Variants in NODAL observed in about 807,000 individuals in gnomAD.
NODAL encodes nodal growth differentiation factor, also known as nodal homolog.
A neutral mutation model predicts 34.0 loss-of-function variants in NODAL; 12 were observed. That is an observed-to-expected ratio of 0.35 (90% CI 0.23 to 0.57). The LOEUF (loss-of-function observed/expected upper bound fraction) is 0.57, where lower values mean the gene tolerates loss of function less well. Among genes scored for constraint, NODAL ranks in the 20% least tolerant of loss-of-function variants. The pLI, the probability that NODAL is intolerant of heterozygous loss-of-function variation, is 0.83. For synonymous variants in NODAL, 162 were observed against 186.4 expected (o/e 0.87, Z 1.07); for missense variants, 390 against 444.2 (o/e 0.88, Z 1.10).
intron 1 of NODAL, among the ~76,000 whole-genome samples, chr10:70,436,933 G>A (rs1845364943): frequency 6.6e-6 from 1 of 152,162 alleles, no homozygotes; most frequent in East Asian, 1.9e-4. Flanking sequence ...GATGCTCTAT[G>A]AGACAACAGA....
At chr10:70,437,220 A>G (rs1433375034) in intron 1 of NODAL, among the ~76,000 whole-genome samples, 1 of 152,222 alleles carries the variant, frequency 6.6e-6, no homozygotes. Flanking sequence ...AGGCGGGTGG[A>G]TCACCTGAGG....
At chr10:70,438,730 C>CTG (rs1227875328) in intron 1 of NODAL, among the ~76,000 whole-genome samples, 1 of 152,192 alleles carries the variant, frequency 6.6e-6, no homozygotes, top group Non-Finnish European at 1.5e-5. Flanking sequence ...TGAAAGAAGT[C>CTG]TGTGACCCTT....
chr10:70,445,408 C>T (rs2132223041), upstream of NODAL, among the ~76,000 whole-genome samples: 1 of 152,252 alleles, frequency 6.6e-6, no homozygotes, highest in Non-Finnish European at 1.5e-5. Flanking sequence ...CAGGCGCCCC[C>T]CACCACGCCC....
upstream of NODAL, among the ~76,000 whole-genome samples, chr10:70,444,262 A>G (rs1365210569): frequency 1.3e-5 from 2 of 150,210 alleles, no homozygotes; most frequent in Admixed American, 6.6e-5. Context: ...CCAGACCCAG[A>G]CCTTCAGATT....
upstream of NODAL, among the ~76,000 whole-genome samples, chr10:70,444,465 C>A (rs1369666817): frequency 6.6e-6 from 1 of 152,042 alleles, no homozygotes; most frequent in Non-Finnish European, 1.5e-5. Flanking sequence ...TAATTTCTGC[C>A]TCAGTAGCTG....
At chr10:70,434,654 C>T (rs1400799081) in intron 2 of NODAL, among the ~76,000 whole-genome samples, 1 of 152,204 alleles carries the variant, frequency 6.6e-6, no homozygotes, top group Non-Finnish European at 1.5e-5. Flanking sequence ...TGTGCCACCG[C>T]ACCTGGCTGG....
rs774058854 is a variant in NODAL, at chr10:70,435,361, G to A, written c.816C>T (p.Asn272=). Reference sequence around the variant, plus strand: ...GACACTCGCCCTCACAGCGATAGGCGTTGTACTGCTTGGGGTAGATGATCC... The same window carrying A: ...GACACTCGCCCTCACAGCGATAGGCATTGTACTGCTTGGGGTAGATGATCC... The part of the protein sequence containing the change: ...GSWIIYPKQY[N]AYRCEGECPN... Residue 272 remains asparagine (N), a synonymous_variant, in exon 2 of 3, where the codon AAC becomes AAT. Coordinates refer to ENST00000287139, the MANE Select transcript of NODAL (RefSeq NM_018055.5). 67 of 1,614,034 alleles carry A rather than the reference G, an allele frequency of 4.2e-5. No individual in the cohort carries two copies. Among genetic ancestry groups the A allele is most frequent in the South Asian group, 5.5e-5 (5 of 91,084 alleles).
upstream of NODAL, among the ~76,000 whole-genome samples, chr10:70,444,398 C>T (rs185896280): frequency 5.4e-4 from 82 of 151,032 alleles, no homozygotes; most frequent in Middle Eastern, 3.4e-3. Flanking sequence ...TACACAATCT[C>T]GGTTCATTGC....
chr10:70,435,225 A>G, intron 2 of NODAL, 61 bp downstream of exon 2: 1 of 1,396,700 alleles, frequency 7.2e-7, no homozygotes, highest in Middle Eastern at 1.8e-4. Flanking sequence ...TAGCAAAGCT[A>G]GAGCCCTGTC....
At position 70,435,545 on chromosome 10, in the gene NODAL, G is replaced by A; in HGVS notation, c.632C>T (p.Thr211Ile). The A allele has an allele frequency of 6.2e-7, 1 of 1,614,098 alleles. No homozygotes were observed. Among genetic ancestry groups the A allele is most frequent in the Non-Finnish European group, 8.5e-7 (1 of 1,180,038 alleles). ...SQEQRQLGGS[T>I]LLWEAESSWR... Reference sequence around the variant, plus strand: ...GGAGCTCTCGGCTTCCCACAGCAAGGTGGACCCACCCAGCTGCCTCTGCTC... The same window carrying A: ...GGAGCTCTCGGCTTCCCACAGCAAGATGGACCCACCCAGCTGCCTCTGCTC... The change falls in exon 2 of 3, where the codon ACC becomes ATC. Residue 211 changes from threonine to isoleucine, a missense_variant. Coordinates refer to ENST00000287139, the MANE Select transcript of NODAL (RefSeq NM_018055.5).
At position 70,435,586 on chromosome 10, in the gene NODAL, G is replaced by A. The variant is rs1589152355; in HGVS notation, c.591C>T (p.Tyr197=). 9 of 1,614,102 alleles carry A rather than the reference G, an allele frequency of 5.6e-6. No individual in the cohort carries two copies. The highest frequency in any genetic ancestry group is 7.6e-6 in the Non-Finnish European group (9 of 1,180,006). Residue 197 remains tyrosine, a synonymous_variant, in exon 2 of 3, where the codon TAC becomes TAT. Coordinates refer to ENST00000287139, the MANE Select transcript of NODAL (RefSeq NM_018055.5). ...PPATNVLLML[Y]SNLSQEQRQL... The stretch of plus-strand genomic sequence containing the variant: ...GCCTCTGCTCCTGCGAGAGGTTGGA[G>A]TAGAGCATAAGGAGCACATTGGTGG...
In NODAL at chr10:70,432,079, T is replaced by C. The variant is rs1034828030; in HGVS notation, c.*857A>G. On this transcript the variant is annotated 3_prime_UTR_variant, in exon 3 of 3. Coordinates refer to ENST00000287139, the MANE Select transcript of NODAL (RefSeq NM_018055.5). Reference sequence around the variant, plus strand: ...GCTTCCAGTGGCTGAGCTGTGACCATAGAGCAAGTATCTTGCCACCCAGGG... The same window carrying C: ...GCTTCCAGTGGCTGAGCTGTGACCACAGAGCAAGTATCTTGCCACCCAGGG... Among the ~76,000 whole-genome samples the C allele has an allele frequency of 6.6e-6, 1 of 152,260 alleles. No individual in the cohort carries two copies. Among genetic ancestry groups the C allele is most frequent in the African/African-American group, 2.4e-5 (1 of 41,470 alleles).
chr10:70,447,787 G>A (rs1016362712), intron 1 of NODAL: 2 of 440,572 alleles, frequency 4.5e-6, no homozygotes, highest in Non-Finnish European at 9.5e-6. Context: ...CCTAGGAGCA[G>A]GGGTGACCCC....
upstream of NODAL, among the ~76,000 whole-genome samples, chr10:70,444,215 G>A (rs1845463718): frequency 1.3e-5 from 2 of 152,166 alleles, no homozygotes; most frequent in African/African-American, 4.8e-5. Context: ...TTACAGGCGT[G>A]AACCACTGCG....
At chr10:70,440,484 C>T (rs909307443) in intron 1 of NODAL, among the ~76,000 whole-genome samples, 1 of 152,180 alleles carries the variant, frequency 6.6e-6, no homozygotes. Flanking sequence ...AAGGGGCGGG[C>T]AGGCGGCAGG....
chr10:70,441,489 C>T lies in NODAL; in HGVS notation c.179G>A (p.Ser60Asn), dbSNP rs1353285969. The change falls in exon 1 of 3, where the codon AGC becomes AAC. Residue 60 changes from serine to asparagine, a missense_variant. Physicochemically the swap from Ser to Asn is conservative, Grantham distance 46 (BLOSUM62 1). Coordinates refer to ENST00000287139, the MANE Select transcript of NODAL (RefSeq NM_018055.5). ...DPLPRADIIR[S>N]LQAEDVAVDG... Reference sequence around the variant, plus strand: ...GCACTGCCTACCTTCTGCCTGTAGGCTGCGGATGATGTCTGCCCTCGGCAG... The same window carrying T: ...GCACTGCCTACCTTCTGCCTGTAGGTTGCGGATGATGTCTGCCCTCGGCAG... 1.9e-6 allele frequency: 3 copies of T among 1,588,936 alleles called. No homozygotes were observed. The highest frequency in any genetic ancestry group is 2.3e-5 in the South Asian group (2 of 87,568).
intron 1 of NODAL, among the ~76,000 whole-genome samples, chr10:70,447,273 C>T (rs1326432057): frequency 2.0e-5 from 3 of 152,038 alleles, no homozygotes; most frequent in African/African-American, 4.8e-5. Flanking sequence ...GGGGTTTCAG[C>T]ATGTTGGCCA....
upstream of NODAL, among the ~76,000 whole-genome samples, chr10:70,444,615 A>G (rs1488218366): frequency 6.6e-6 from 1 of 152,142 alleles, no homozygotes; most frequent in African/African-American, 2.4e-5. Flanking sequence ...GATTACAGGC[A>G]TGAGCCTGGC....
upstream of NODAL, among the ~76,000 whole-genome samples, chr10:70,442,745 C>T (rs1026154173): frequency 6.6e-6 from 1 of 152,140 alleles, no homozygotes; most frequent in Non-Finnish European, 1.5e-5. Context: ...GCTAAGTGCT[C>T]TATACACCTG....
Sources: gnomAD v4.1 joint callset for allele counts (sites outside exome capture counted in the v4.1 genomes callset) on GRCh38, gnomAD v4.1.1 for gene constraint, MANE v1.5 for transcripts, NCBI Gene and HGNC (gene_info 2026-07-23, HGNC 2026-07-21) for gene names.